Variants in RSRP1 observed in about 807,000 individuals in gnomAD.
RSRP1 encodes arginine/serine-rich protein 1.
RSRP1 carries 37 observed loss-of-function variants against 33.0 expected under a neutral mutation model. The ratio of observed to expected loss-of-function variants is 1.12; its 90% CI spans 0.86 to 1.48. The LOEUF (loss-of-function observed/expected upper bound fraction) is 1.48, where lower values mean the gene tolerates loss of function less well. RSRP1 is among the 40% of genes most tolerant of loss of function. The pLI is 0.00. For synonymous variants in RSRP1, 167 were observed against 158.7 expected (o/e 1.05, Z -0.40); for missense variants, 402 against 385.3 (o/e 1.04, Z -0.36).
chr1:25,244,127 T>A, intron 3 of RSRP1: 1 of 1,284,222 alleles, frequency 7.8e-7, no homozygotes, highest in Non-Finnish European at 1.0e-6. Flanking sequence ...AAAAGTACAG[T>A]GCAATTTGCT....
At chr1:25,305,883 T>A (rs1273450346) in intron 1 of RSRP1, among the ~76,000 whole-genome samples, 1 of 131,492 alleles carries the variant, frequency 7.6e-6, no homozygotes, top group South Asian at 2.3e-4. Flanking sequence ...ATTACAGGCA[T>A]GAGCCACCGT....
Position 25,280,036 on chromosome 1 carries a change from A to G in RSRP1, c.-66-33007T>C, listed in dbSNP as rs600597. On this transcript the variant is annotated intron_variant, in intron 1 of 1. Coordinates refer to the RSRP1 transcript ENST00000561867. ...GGAAATGGGCCTGGAGCCCAGGAGA[A>G]GTGGGAGGATGAGGGGGCAGGGGGA... Among the ~76,000 whole-genome samples, 52 of 128,346 alleles carry G rather than the reference A, an allele frequency of 4.1e-4. 1 individual carries two copies. The highest frequency in any genetic ancestry group is 1.3e-3 in the African/African-American group (45 of 35,976). 84.2% of individuals were successfully genotyped at this position (128,346 alleles called of 152,430 possible).
At chr1:25,244,658 A>G (rs776169830) in intron 3 of RSRP1, 8 of 1,218,566 alleles carry the variant, frequency 6.6e-6, no homozygotes, top group South Asian at 4.3e-5. Flanking sequence ...CGGTGTTATA[A>G]GAGTACACTG....
In RSRP1 at chr1:25,269,885, C is replaced by T. The variant is rs541545181; in HGVS notation, c.-66-22856G>A. ...CAGGACGCACAGGGATTTGGAGTGC[C>T]TTGGAACCAACCACCACCCACGCCG... On this transcript the variant is annotated intron_variant, in intron 1 of 1. Coordinates refer to the RSRP1 transcript ENST00000561867. Among the ~76,000 whole-genome samples the T allele has an allele frequency of 5.4e-4, 72 of 132,446 alleles. 8 individuals are homozygous for T. The highest frequency in any genetic ancestry group is 1.8e-3 in the African/African-American group (71 of 38,858). The allele number at this position is 132,446 out of a possible 152,430, so 86.9% of individuals were successfully genotyped here. A position where few individuals can be genotyped will look rare whatever the true frequency, so the allele number is the denominator to read the frequency against.
chr1:25,322,162 C>T (rs1194666355), intron 1 of RSRP1, among the ~76,000 whole-genome samples: 1 of 131,142 alleles, frequency 7.6e-6, no homozygotes, highest in African/African-American at 2.6e-5. Context: ...TGGTAAAGGT[C>T]ACCATTTCCC....
rs535220334 is a variant in RSRP1 at position 25,333,609 on chromosome 1, G to C, written c.-67+4369C>G. 4.6e-5 allele frequency among the ~76,000 whole-genome samples: 6 copies of C among 131,384 alleles called. 2 individuals carry two copies. Among genetic ancestry groups the C allele is most frequent in the African/African-American group, 1.6e-4 (6 of 38,064 alleles). 86.2% of individuals were successfully genotyped at this position (131,384 alleles called of 152,430 possible). A position where few individuals can be genotyped will look rare whatever the true frequency, so the allele number is the denominator to read the frequency against. ...CCAGGAGCTAGAGCATGAGGATCTC[G>C]TAGGATTTTATTCTGCAAGGTGAAA... On this transcript the variant is annotated intron_variant, in intron 1 of 1. Transcript: ENST00000561867.
chr1:25,252,555 C>T (rs1368871418), intron 1 of RSRP1, among the ~76,000 whole-genome samples: 6 of 137,408 alleles, frequency 4.4e-5, no homozygotes, highest in South Asian at 4.6e-4. Flanking sequence ...TTTTTTGAGA[C>T]GGAGTTTCAC....
At chr1:25,250,760 C>T (rs140318591), upstream of RSRP1, among the ~76,000 whole-genome samples, 4,369 of 152,190 alleles carry the variant, frequency 0.029, 103 homozygotes, top group Non-Finnish European at 0.044. Context: ...CCTGTAATCC[C>T]AGCACTTTGG....
In RSRP1 at chr1:25,309,305, C is replaced by T. The variant is rs755780178; in HGVS notation, c.-67+28673G>A. Reference sequence around the variant, plus strand: ...GTTGCAGATACTCTTTTTCAATTCTCAGTCCTTTGATTACGTCAGGGAGAA... The same window carrying T: ...GTTGCAGATACTCTTTTTCAATTCTTAGTCCTTTGATTACGTCAGGGAGAA... On this transcript the variant is annotated intron_variant, in intron 1 of 1. Transcript: ENST00000561867. 3.5e-4 allele frequency among the ~76,000 whole-genome samples: 46 copies of T among 131,292 alleles called. 17 individuals carry two copies. Among genetic ancestry groups the T allele is most frequent in the Non-Finnish European group, 8.1e-4 (45 of 55,776 alleles). The allele number at this position is 131,292 out of a possible 152,430, so 86.1% of individuals were successfully genotyped here. A position where few individuals can be genotyped will look rare whatever the true frequency, so the allele number is the denominator to read the frequency against.
intron 1 of RSRP1, among the ~76,000 whole-genome samples, chr1:25,261,676 TTACAGGCATGA>T (rs1295932562): frequency 2.6e-5 from 4 of 150,992 alleles, no homozygotes; most frequent in Non-Finnish European, 5.9e-5. Context: ...AGTGCTGGGA[TTACAGGCATGA>T]GCCACCGCGC....
intron 1 of RSRP1, among the ~76,000 whole-genome samples, chr1:25,274,833 C>T (rs564891918): frequency 3.0e-5 from 4 of 131,742 alleles, no homozygotes; most frequent in Admixed American, 2.2e-4. Context: ...ATGGCAAAAC[C>T]GCATCTCTAC....
intron 1 of RSRP1, among the ~76,000 whole-genome samples, chr1:25,252,532 C>CTTT (rs535973265): frequency 1.5e-5 from 2 of 135,818 alleles, no homozygotes; most frequent in Non-Finnish European, 3.2e-5. Context: ...GGACCCTGAC[C>CTTT]TTTTTTTTTT....
At chr1:25,306,683 T>C (rs1440638043) in intron 1 of RSRP1, 1 of 1,378,664 alleles carries the variant, frequency 7.3e-7, no homozygotes, top group South Asian at 1.2e-5. Context: ...AGAGATCATC[T>C]ACATTGTGCT....
chr1:25,256,645 TG>T (rs1233839253), intron 1 of RSRP1, among the ~76,000 whole-genome samples: 2 of 152,040 alleles, frequency 1.3e-5, no homozygotes, highest in Non-Finnish European at 2.9e-5. Context: ...TGTATTTTTT[TG>T]TAGAAATGGG....
At position 25,310,817 on chromosome 1, in the gene RSRP1, C is replaced by CA. The variant is rs1249907683; in HGVS notation, c.-67+27160dup. Among the ~76,000 whole-genome samples the CA allele has an allele frequency of 1.5e-5, 2 of 131,476 alleles. 1 individual carries two copies. Among genetic ancestry groups the CA allele is most frequent in the Non-Finnish European group, 3.6e-5 (2 of 55,418 alleles). The allele number at this position is 131,476 out of a possible 152,430, so 86.3% of individuals were successfully genotyped here. On this transcript the variant is annotated intron_variant, in intron 1 of 1. Transcript: ENST00000561867. ...TGAAACGCTGTTTCTACCAAAAATA[C>CA]AAAAAATTAGCTGGGCGTGGTGGCG...
chr1:25,286,677 T>A (rs1275376599), intron 1 of RSRP1, among the ~76,000 whole-genome samples: 1 of 133,474 alleles, frequency 7.5e-6, no homozygotes, highest in African/African-American at 2.6e-5. Context: ...TCCCAGCCAC[T>A]CGGGAGGCTG....
At chr1:25,244,991 G>A (rs1446675204) in intron 3 of RSRP1, 159 bp downstream of exon 3, 1 of 1,508,632 alleles carries the variant, frequency 6.6e-7, no homozygotes, top group African/African-American at 1.4e-5. Flanking sequence ...CCATTTTCAT[G>A]GGTTTGACAT....
At chr1:25,319,326 G>T (rs1296111767) in intron 1 of RSRP1, among the ~76,000 whole-genome samples, 1 of 132,516 alleles carries the variant, frequency 7.5e-6, no homozygotes, top group Non-Finnish European at 1.8e-5. Flanking sequence ...GAGCAAACTG[G>T]TGATTAAAAA....
chr1:25,308,556 T>C lies in RSRP1; in HGVS notation c.-67+29422A>G, dbSNP rs1402964452. 3.8e-5 allele frequency among the ~76,000 whole-genome samples: 5 copies of C among 132,032 alleles called. 2 individuals carry two copies. Among genetic ancestry groups the C allele is most frequent in the Non-Finnish European group, 8.9e-5 (5 of 55,980 alleles). The allele number at this position is 132,032 out of a possible 152,430, so 86.6% of individuals were successfully genotyped here. On this transcript the variant is annotated intron_variant, in intron 1 of 1. Coordinates refer to the RSRP1 transcript ENST00000561867. ...AAGCCTTGATTGGTAGCACTTGCAA[T>C]TTCTATGGTACAAACGCTTCCCGCA...
Sources: allele counts gnomAD v4.1 joint callset (sites outside exome capture counted in the v4.1 genomes callset), GRCh38; gene constraint gnomAD v4.1.1; transcripts MANE v1.5; gene names NCBI Gene and HGNC (gene_info 2026-07-23, HGNC 2026-07-21).